Variants in IPCEF1 observed in about 807,000 individuals in gnomAD.
IPCEF1 encodes interactor protein for cytohesin exchange factors 1.
In IPCEF1, 31 loss-of-function variants were observed where a neutral mutation model predicts 50.9. The ratio of observed to expected loss-of-function variants is 0.61; its 90% CI spans 0.46 to 0.82. IPCEF1 has a LOEUF of 0.82. Ranked by LOEUF, IPCEF1 falls within the 40% of genes least tolerant of loss-of-function variation. IPCEF1 has a pLI of 0.00. For missense variants in IPCEF1, 458 were observed against 514.0 expected (o/e 0.89, Z 1.05); for synonymous variants, 181 against 192.0 (o/e 0.94, Z 0.47).
intron 1 of IPCEF1, among the ~76,000 whole-genome samples, chr6:154,338,009 T>G (rs1584003753): frequency 1.3e-5 from 2 of 152,226 alleles, no homozygotes; most frequent in African/African-American, 4.8e-5. Context: ...TACTAGTCAA[T>G]GGCTAAGCTG....
At chr6:154,307,277 G>C (rs748131420) in intron 1 of IPCEF1, among the ~76,000 whole-genome samples, 2 of 152,042 alleles carry the variant, frequency 1.3e-5, no homozygotes, top group East Asian at 3.9e-4. Flanking sequence ...TAGTGAATGG[G>C]TCTCATGAGA....
intron 11 of IPCEF1, among the ~76,000 whole-genome samples, chr6:154,166,770 G>T (rs1285908506): frequency 6.6e-6 from 1 of 152,032 alleles, no homozygotes; most frequent in Non-Finnish European, 1.5e-5. Context: ...AGCTATCACA[G>T]ACAAAGAAGA....
intron 9 of IPCEF1, among the ~76,000 whole-genome samples, chr6:154,204,806 A>G (rs1479247931): frequency 6.6e-6 from 1 of 151,872 alleles, no homozygotes; most frequent in Non-Finnish European, 1.5e-5. Flanking sequence ...TCTGCAGAAA[A>G]CCCTCTTATA....
chr6:154,287,995 C>A (rs1347415114), intron 2 of IPCEF1, among the ~76,000 whole-genome samples: 1 of 152,188 alleles, frequency 6.6e-6, no homozygotes, highest in African/African-American at 2.4e-5. Context: ...AAATGCGTAT[C>A]TTTTATATAC....
At chr6:154,214,120 G>A in intron 8 of IPCEF1, 98 bp downstream of exon 8, 1 of 815,418 alleles carries the variant, frequency 1.2e-6, no homozygotes, top group Admixed American at 1.9e-5. Context: ...GTTTCCTCAG[G>A]ATCAGACTAT....
intron 1 of IPCEF1, among the ~76,000 whole-genome samples, chr6:154,333,460 C>A (rs565592547): frequency 2.6e-5 from 4 of 152,066 alleles, no homozygotes; most frequent in Admixed American, 1.3e-4. Flanking sequence ...AGTTTTCGGA[C>A]TCAAACTGGC....
At chr6:154,270,457 T>A (rs1781873002) in intron 2 of IPCEF1, among the ~76,000 whole-genome samples, 1 of 152,224 alleles carries the variant, frequency 6.6e-6, no homozygotes, top group Non-Finnish European at 1.5e-5. Context: ...TTCATTCATG[T>A]GTATGTTGCA....
At chr6:154,234,650 C>T (rs1779976288) in intron 5 of IPCEF1, among the ~76,000 whole-genome samples, 2 of 152,214 alleles carry the variant, frequency 1.3e-5, no homozygotes, top group Admixed American at 1.3e-4. Flanking sequence ...GCATCCTGTT[C>T]TATGCTTTGT....
At chr6:154,172,120 C>T (rs963282475) in intron 10 of IPCEF1, among the ~76,000 whole-genome samples, 11 of 152,172 alleles carry the variant, frequency 7.2e-5, no homozygotes, top group African/African-American at 2.7e-4. Context: ...ATATTTTTGA[C>T]TAAAACATTT....
chr6:154,184,806 C>T (rs1313978096), intron 10 of IPCEF1, among the ~76,000 whole-genome samples: 1 of 151,916 alleles, frequency 6.6e-6, no homozygotes, highest in Non-Finnish European at 1.5e-5. Flanking sequence ...AGTATAGTAT[C>T]TTTCTAGATT....
chr6:154,331,232 C>T (rs1783651738), intron 1 of IPCEF1, among the ~76,000 whole-genome samples: 1 of 151,484 alleles, frequency 6.6e-6, no homozygotes, highest in Non-Finnish European at 1.5e-5. Context: ...CACACTGCTG[C>T]ACTCCAGCTG....
At chr6:154,227,451 G>T (rs1193608755) in intron 5 of IPCEF1, among the ~76,000 whole-genome samples, 2 of 152,068 alleles carry the variant, frequency 1.3e-5, no homozygotes, top group Admixed American at 1.3e-4. Flanking sequence ...AGGCTCACTG[G>T]CTCACGCCTG....
At chr6:154,253,156 C>A (rs1781378299) in intron 3 of IPCEF1, among the ~76,000 whole-genome samples, 3 of 152,082 alleles carry the variant, frequency 2.0e-5, no homozygotes, top group Admixed American at 1.3e-4. Flanking sequence ...TCACATTACA[C>A]TAACTTGAAT....
At chr6:154,222,944 G>A (rs1778982581) in intron 6 of IPCEF1, 8 of 568,084 alleles carry the variant, frequency 1.4e-5, no homozygotes, top group Non-Finnish European at 2.2e-5. Context: ...TCCATGCCAA[G>A]ACTTCGTGGG....
At chr6:154,340,163 G>A (rs1034424216) in intron 1 of IPCEF1, among the ~76,000 whole-genome samples, 2 of 152,258 alleles carry the variant, frequency 1.3e-5, no homozygotes, top group South Asian at 4.2e-4. Flanking sequence ...ATGCGCGCCC[G>A]TGACACAGCC....
intron 2 of IPCEF1, among the ~76,000 whole-genome samples, chr6:154,288,538 T>C (rs1562580608): frequency 1.3e-5 from 2 of 151,892 alleles, no homozygotes; most frequent in South Asian, 2.1e-4. Context: ...CGGCAGGCGC[T>C]TGTAGTCCGA....
At chr6:154,303,748 C>T (rs1474153435) in intron 1 of IPCEF1, among the ~76,000 whole-genome samples, 1 of 152,026 alleles carries the variant, frequency 6.6e-6, no homozygotes, top group African/African-American at 2.4e-5. Context: ...AAAGTGAGAC[C>T]TTCTCTCTGC....
chr6:154,247,525 T>C, intron 3 of IPCEF1, 37 bp from the exon 4 acceptor site: 1 of 1,586,314 alleles, frequency 6.3e-7, no homozygotes, highest in Non-Finnish European at 8.7e-7. Context: ...AGGAAATTTC[T>C]GATTGTGTTG....
chr6:154,341,832 T>C (rs762608384), intron 1 of IPCEF1, among the ~76,000 whole-genome samples: 23 of 152,236 alleles, frequency 1.5e-4, no homozygotes, highest in Non-Finnish European at 3.2e-4. Flanking sequence ...TAAACCTTAA[T>C]AATTTATAAT....
Sources: allele counts gnomAD v4.1 joint callset (sites outside exome capture counted in the v4.1 genomes callset), GRCh38; gene constraint gnomAD v4.1.1; transcripts MANE v1.5; gene names NCBI Gene and HGNC (gene_info 2026-07-23, HGNC 2026-07-21).